APLP2: variants seen among roughly 807,000 people sequenced by gnomAD.
APLP2 encodes amyloid beta precursor like protein 2.
Under a neutral mutation model 89.9 loss-of-function variants are expected in APLP2, and 53 were observed. That is an observed-to-expected ratio of 0.59 (90% CI 0.47 to 0.74). The LOEUF (loss-of-function observed/expected upper bound fraction) is 0.74. Ranked by LOEUF, APLP2 falls within the 30% of genes least tolerant of loss-of-function variation. The pLI is 0.00. For missense variants in APLP2, 973 were observed against 975.9 expected, an observed-to-expected ratio of 1.00 and a Z score of 0.04; for synonymous variants, 372 against 348.6, an observed-to-expected ratio of 1.07 and a Z score of -0.75.
At position 130,127,762 on chromosome 11, in the gene APLP2, C is replaced by A. The variant is rs367628396; in HGVS notation, c.1222-4C>A. Reference sequence around the variant, plus strand: ...GCTGACGGCGTTTTTGACCTTTGTTCTAGGTAAAGAAGGAATGGGAAGAGG... The same window carrying A: ...GCTGACGGCGTTTTTGACCTTTGTTATAGGTAAAGAAGGAATGGGAAGAGG... On this transcript the variant is annotated splice_polypyrimidine_tract_variant and splice_region_variant and intron_variant, in intron 8 of 16. Coordinates refer to ENST00000338167, the MANE Select transcript of APLP2 (RefSeq NM_001142276.2). 42 of 1,613,906 alleles carry A rather than the reference C, an allele frequency of 2.6e-5. No individual in the cohort carries two copies. The African/African-American group carries it at 5.1e-4, about 19-fold the overall frequency.
Position 130,123,429 on chromosome 11 carries a change from G to T in APLP2, c.923-183G>T, listed in dbSNP as rs560560948. ...CCCAGTTCCTAAATGTCTCTACTCT[G>T]TGGGGAAGCAACTTGTCCTCAGCAA... On this transcript the variant is annotated intron_variant, in intron 6 of 16. Transcript: ENST00000338167. The surrounding 1 kb of genome is among the most constrained non-coding windows in gnomAD (Gnocchi z 4.0). 1.3e-3 allele frequency among the ~76,000 whole-genome samples: 204 copies of T among 152,362 alleles called. No homozygotes were observed. The highest frequency in any genetic ancestry group is 4.4e-3 in the African/African-American group (182 of 41,590).
chr11:130,093,164 C>T (rs1945671801), intron 1 of APLP2, among the ~76,000 whole-genome samples: 1 of 152,178 alleles, frequency 6.6e-6, no homozygotes, highest in Non-Finnish European at 1.5e-5. Context: ...AGGATTCCTC[C>T]CTGGAGAGGC....
intron 8 of APLP2, among the ~76,000 whole-genome samples, chr11:130,127,537 T>G (rs890768219): frequency 6.6e-6 from 1 of 152,212 alleles, no homozygotes; most frequent in Non-Finnish European, 1.5e-5. Flanking sequence ...TTAAATAACT[T>G]ACTCAAGGTT....
At chr11:130,091,388 C>T (rs565156795) in intron 1 of APLP2, among the ~76,000 whole-genome samples, 8 of 146,232 alleles carry the variant, frequency 5.5e-5, no homozygotes, top group African/African-American at 1.6e-4. Flanking sequence ...ACCTCCCTCC[C>T]GGATGGGGCG....
chr11:130,092,722 A>AGGGGAAGG (rs796802846), intron 1 of APLP2, among the ~76,000 whole-genome samples: 1 of 99,010 alleles, frequency 1.0e-5, no homozygotes, highest in African/African-American at 4.1e-5. Flanking sequence ...GGGGAGGGGG[A>AGGGGAAGG]GGGAGAGGGA....
At position 130,127,804 on chromosome 11, in the gene APLP2, G is replaced by C. The variant is rs757831513; in HGVS notation, c.1260G>C (p.Lys420Asn). 6.2e-7 allele frequency: 1 copy of C among 1,614,172 alleles called. No homozygotes were observed. The highest frequency in any genetic ancestry group is 8.5e-7 in the Non-Finnish European group (1 of 1,180,018). ...KEWEEAELQA[K>N]NLPKAERQTL... ...GGGAAGAGGCAGAGCTTCAAGCTAA[G>C]AACCTCCCCAAAGCAGAGAGGCAGA... Residue 420 changes from lysine (K) to asparagine (N), a missense_variant, in exon 9 of 17, where the codon AAG becomes AAC. Transcript: ENST00000338167.
chr11:130,110,755 T>C, intron 3 of APLP2, 94 bp downstream of exon 3: 1 of 1,411,550 alleles, frequency 7.1e-7, no homozygotes, highest in South Asian at 1.4e-5. Context: ...TTACACCTGT[T>C]AAGAAGCTGA....
intron 7 of APLP2, among the ~76,000 whole-genome samples, chr11:130,124,493 T>G (rs1028942206): frequency 1.3e-5 from 2 of 152,176 alleles, no homozygotes; most frequent in African/African-American, 4.8e-5. Context: ...GAGTTTTCCC[T>G]TTTCTCCATG....
At chr11:130,085,509 A>G (rs1288513313) in intron 1 of APLP2, among the ~76,000 whole-genome samples, 1 of 152,178 alleles carries the variant, frequency 6.6e-6, no homozygotes, top group Non-Finnish European at 1.5e-5. Context: ...AGGAAAGCTC[A>G]GGACCAGATG....
intron 1 of APLP2, among the ~76,000 whole-genome samples, chr11:130,102,280 G>C (rs969063431): frequency 6.6e-6 from 1 of 152,130 alleles, no homozygotes; most frequent in African/African-American, 2.4e-5. Context: ...CCTTAAAAAA[G>C]GTTTTTGAAC....
At chr11:130,133,840 C>A in intron 12 of APLP2, 112 bp downstream of exon 12, 1 of 758,604 alleles carries the variant, frequency 1.3e-6, no homozygotes, top group Non-Finnish European at 2.2e-6. Flanking sequence ...TGAAGTGGGG[C>A]ATTAGCACAT....
At chr11:130,113,001 A>G (rs1314413964) in intron 3 of APLP2, among the ~76,000 whole-genome samples, 1 of 152,092 alleles carries the variant, frequency 6.6e-6, no homozygotes. Context: ...GCCTCCTTTA[A>G]AGGGAGCCTT....
intron 13 of APLP2, among the ~76,000 whole-genome samples, chr11:130,136,778 G>A (rs967724378): frequency 4.6e-5 from 7 of 152,178 alleles, no homozygotes; most frequent in African/African-American, 1.7e-4. Flanking sequence ...TTTTTGGGGT[G>A]GTAGATGAAG....
chr11:130,128,695 G>T (rs1950625690), intron 9 of APLP2, among the ~76,000 whole-genome samples: 1 of 152,206 alleles, frequency 6.6e-6, no homozygotes, highest in Non-Finnish European at 1.5e-5. Flanking sequence ...TCAGAGTTTG[G>T]AAGTTAGTGC....
intron 1 of APLP2, chr11:130,102,059 A>G: frequency 4.5e-6 from 2 of 443,202 alleles, no homozygotes; most frequent in South Asian, 3.2e-5. Context: ...TGTAGCTAAT[A>G]TCTTTGGGGA....
chr11:130,109,753 GGCATGAC>G (rs1948303291), intron 2 of APLP2, 151 bp downstream of exon 2: 1 of 809,738 alleles, frequency 1.2e-6, no homozygotes. Flanking sequence ...CTAAATGTGT[GGCATGAC>G]TGAGACCTCT....
chr11:130,122,407 T>C lies in APLP2; in HGVS notation c.816T>C (p.Asp272=). The C allele has an allele frequency of 6.2e-7, 1 of 1,614,100 alleles. No homozygotes were observed. Residue 272 remains aspartate, a synonymous_variant, in exon 6 of 17, where the codon GAT becomes GAC. Transcript: ENST00000338167. The stretch of plus-strand genomic sequence containing the variant: ...GGGAGGAAGTGGTGGAGGACCGAGA[T>C]TACTACTATGACACCTTCAAAGGAG... The part of the protein sequence containing the change: ...EEGEEVVEDR[D]YYYDTFKGDD...
intron 3 of APLP2, among the ~76,000 whole-genome samples, chr11:130,116,321 G>C (rs1465280019): frequency 6.6e-6 from 1 of 151,958 alleles, no homozygotes; most frequent in Non-Finnish European, 1.5e-5. Flanking sequence ...ATACACATAA[G>C]CCATATTTCT....
In APLP2 at chr11:130,130,061, A is replaced by T. The variant is rs1016768619; in HGVS notation, c.1479A>T (p.Leu493Phe). The T allele has an allele frequency of 1.2e-6, 2 of 1,614,216 alleles. No homozygotes were observed. Among genetic ancestry groups the T allele is most frequent in the East Asian group, 2.2e-5 (1 of 44,886 alleles). Reference sequence around the variant, plus strand: ...AGCCTCATCGCATTCTCCAGGCCTTACGGCGTTATGTCCGTGCTGAGAACA... The same window carrying T: ...AGCCTCATCGCATTCTCCAGGCCTTTCGGCGTTATGTCCGTGCTGAGAACA... ...PPRPHRILQA[L>F]RRYVRAENKD... The change falls in exon 11 of 17, where the codon TTA becomes TTT. Residue 493 changes from leucine to phenylalanine, a missense_variant. Leu to Phe is a conservative substitution (Grantham distance 22, BLOSUM62 0). Coordinates refer to ENST00000338167, the MANE Select transcript of APLP2 (RefSeq NM_001142276.2).
Sources: allele counts gnomAD v4.1 joint callset (sites outside exome capture counted in the v4.1 genomes callset), GRCh38; gene constraint gnomAD v4.1.1; non-coding constraint Gnocchi (gnomAD v3.1); transcripts MANE v1.5; gene names NCBI Gene and HGNC (gene_info 2026-07-23, HGNC 2026-07-21).